HS6ST3: variants seen among roughly 807,000 people sequenced by gnomAD.
HS6ST3 encodes heparan-sulfate 6-O-sulfotransferase 3.
Under a neutral mutation model 36.7 loss-of-function variants are expected in HS6ST3, and 12 were observed. The observed-to-expected ratio is 0.33, with a 90% confidence interval of 0.21 to 0.53. The LOEUF is 0.53. HS6ST3 is among the 20% of genes least tolerant of loss of function. The probability of loss-of-function intolerance (pLI) is 0.95; values close to 1 mark genes in which losing one functional copy is unlikely to be tolerated. For missense variants in HS6ST3, 584 were observed against 640.9 expected (o/e 0.91, Z 0.96); for synonymous variants, 240 against 257.5 (o/e 0.93, Z 0.65).
chr13:96,802,249 C>T (rs2138529014), intron 1 of HS6ST3, among the ~76,000 whole-genome samples: 1 of 152,170 alleles, frequency 6.6e-6, no homozygotes, highest in East Asian at 1.9e-4. Context: ...TCATGGAAAG[C>T]TGGAAACCAG....
At position 96,709,421 on chromosome 13, in the gene HS6ST3, G is replaced by A. The variant is rs553618027; in HGVS notation, c.708-123069G>A. On this transcript the variant is annotated intron_variant, in intron 1 of 1. Coordinates refer to ENST00000376705, the MANE Select transcript of HS6ST3 (RefSeq NM_153456.4). Reference sequence around the variant, plus strand: ...GTCTTATTCATCTTTGCGTCCTGGAGGCTTGCCCAATAGTAAATGCTATGG... The same window carrying A: ...GTCTTATTCATCTTTGCGTCCTGGAAGCTTGCCCAATAGTAAATGCTATGG... 7.2e-5 allele frequency among the ~76,000 whole-genome samples: 11 copies of A among 152,236 alleles called. No homozygotes were observed. In the East Asian group the frequency reaches 2.1e-3, roughly 29 times the overall value.
At chr13:96,387,114 G>C (rs2139449472) in intron 1 of HS6ST3, among the ~76,000 whole-genome samples, 1 of 152,140 alleles carries the variant, frequency 6.6e-6, no homozygotes, top group Non-Finnish European at 1.5e-5. Context: ...TCAAATGAAG[G>C]TAATTGTTGA....
chr13:96,203,139 T>C (rs1285398122), intron 1 of HS6ST3, among the ~76,000 whole-genome samples: 1 of 152,208 alleles, frequency 6.6e-6, no homozygotes, highest in African/African-American at 2.4e-5. Flanking sequence ...TTTTAAGATA[T>C]AAACACGGCC....
intron 1 of HS6ST3, among the ~76,000 whole-genome samples, chr13:96,304,705 TTCTTTC>T (rs1194832631): frequency 1.2e-4 from 12 of 98,806 alleles, no homozygotes; most frequent in South Asian, 7.2e-4. Flanking sequence ...CTTTCTTTCT[TTCTTTC>T]TTTTTTTTTT....
At chr13:96,797,429 G>A (rs192188742) in intron 1 of HS6ST3, among the ~76,000 whole-genome samples, 24 of 152,052 alleles carry the variant, frequency 1.6e-4, no homozygotes, top group African/African-American at 5.5e-4. Flanking sequence ...AAACAATTTG[G>A]TTAATTGAGT....
chr13:96,124,056 A>G (rs1434641495), intron 1 of HS6ST3, among the ~76,000 whole-genome samples: 1 of 152,202 alleles, frequency 6.6e-6, no homozygotes, highest in African/African-American at 2.4e-5. Context: ...CATCAGGGTT[A>G]AGCCTGTTGA....
chr13:96,697,233 A>T (rs538248653), intron 1 of HS6ST3, among the ~76,000 whole-genome samples: 2 of 151,944 alleles, frequency 1.3e-5, no homozygotes, highest in Non-Finnish European at 2.9e-5. Context: ...CATATAAAAT[A>T]TATAAATGTG....
intron 1 of HS6ST3, among the ~76,000 whole-genome samples, chr13:96,585,815 G>C (rs1471886859): frequency 6.6e-6 from 1 of 152,180 alleles, no homozygotes; most frequent in Non-Finnish European, 1.5e-5. Flanking sequence ...GTGTTCCACT[G>C]TGTATATATA....
intron 1 of HS6ST3, among the ~76,000 whole-genome samples, chr13:96,767,346 C>T (rs565442167): frequency 6.6e-6 from 1 of 152,294 alleles, no homozygotes; most frequent in South Asian, 2.1e-4. Context: ...ATGCACCCCA[C>T]CCTTCAGGTT....
chr13:96,159,121 A>C (rs2054124467), intron 1 of HS6ST3, among the ~76,000 whole-genome samples: 1 of 152,174 alleles, frequency 6.6e-6, no homozygotes, highest in African/African-American at 2.4e-5. Flanking sequence ...GAGGGGAAGG[A>C]GTATCCAGAG....
intron 1 of HS6ST3, among the ~76,000 whole-genome samples, chr13:96,735,760 A>G (rs1047041297): frequency 6.6e-6 from 1 of 152,234 alleles, no homozygotes; most frequent in Non-Finnish European, 1.5e-5. Flanking sequence ...CATGTAAAAA[A>G]GTTTAAGCTG....
chr13:96,424,757 C>T (rs1484082098), intron 1 of HS6ST3, among the ~76,000 whole-genome samples: 2 of 152,128 alleles, frequency 1.3e-5, no homozygotes, highest in African/African-American at 4.8e-5. Context: ...AATACCATTA[C>T]ACTGCACATT....
chr13:96,368,323 A>G (rs1217580434), intron 1 of HS6ST3, among the ~76,000 whole-genome samples: 2 of 152,178 alleles, frequency 1.3e-5, no homozygotes, highest in African/African-American at 4.8e-5. Flanking sequence ...ACTTGGTAGT[A>G]AAAGGAAGGC....
chr13:96,207,789 C>A (rs1307368340), intron 1 of HS6ST3, among the ~76,000 whole-genome samples: 1 of 152,096 alleles, frequency 6.6e-6, no homozygotes, highest in African/African-American at 2.4e-5. Context: ...AATGCATGGG[C>A]ACGTGGTTGT....
intron 1 of HS6ST3, among the ~76,000 whole-genome samples, chr13:96,521,236 G>A (rs754102627): frequency 4.6e-5 from 7 of 152,138 alleles, no homozygotes; most frequent in African/African-American, 7.2e-5. Flanking sequence ...TTGATGTGCT[G>A]CTGGATTTGG....
intron 1 of HS6ST3, among the ~76,000 whole-genome samples, chr13:96,127,017 C>T (rs61967999): frequency 0.027 from 4,111 of 152,222 alleles, 69 homozygotes; most frequent in Non-Finnish European, 0.034. Context: ...GCTACCATTT[C>T]GGCCATCTTT....
chr13:96,208,089 T>C (rs1457079290), intron 1 of HS6ST3, among the ~76,000 whole-genome samples: 1 of 152,194 alleles, frequency 6.6e-6, no homozygotes, highest in Non-Finnish European at 1.5e-5. Flanking sequence ...TGCTTTATAT[T>C]TTTGAACATT....
At chr13:96,775,334 A>G (rs1213665919) in intron 1 of HS6ST3, among the ~76,000 whole-genome samples, 1 of 152,146 alleles carries the variant, frequency 6.6e-6, no homozygotes, top group Non-Finnish European at 1.5e-5. Context: ...ACATAACAAT[A>G]TTGACCTTAA....
intron 1 of HS6ST3, among the ~76,000 whole-genome samples, chr13:96,194,704 A>T (rs9525146): frequency 2.0e-5 from 3 of 152,010 alleles, no homozygotes; most frequent in Non-Finnish European, 4.4e-5. Flanking sequence ...GAACTTATTC[A>T]TCTTGTAACT....
Sources: allele counts gnomAD v4.1 joint callset (sites outside exome capture counted in the v4.1 genomes callset), GRCh38; gene constraint gnomAD v4.1.1; transcripts MANE v1.5; gene names NCBI Gene and HGNC (gene_info 2026-07-23, HGNC 2026-07-21).